Variants in RIT2 observed in about 807,000 individuals in gnomAD.
The protein encoded by RIT2 is Ras like without CAAX 2.
RIT2 carries 24 observed loss-of-function variants against 23.7 expected under a neutral mutation model. The ratio of observed to expected loss-of-function variants is 1.01; its 90% CI spans 0.73 to 1.43. The LOEUF is 1.43. RIT2 is among the 40% of genes most tolerant of loss of function. The pLI, the probability that RIT2 is intolerant of heterozygous loss-of-function variation, is 0.00. For synonymous variants in RIT2, 107 were observed against 91.1 expected (o/e 1.17, Z -0.99); for missense variants, 236 against 266.9 (o/e 0.88, Z 0.81).
chr18:43,095,452 T>C (rs1488548512), intron 1 of RIT2, among the ~76,000 whole-genome samples: 1 of 151,914 alleles, frequency 6.6e-6, no homozygotes, highest in Non-Finnish European at 1.5e-5. Flanking sequence ...ACATGGCACA[T>C]GTATACCTAT....
At chr18:42,846,978 T>A (rs1350752224) in intron 4 of RIT2, among the ~76,000 whole-genome samples, 2 of 152,136 alleles carry the variant, frequency 1.3e-5, no homozygotes, top group Non-Finnish European at 2.9e-5. Flanking sequence ...GTATAACCTA[T>A]TGAGTTGTGC....
intron 4 of RIT2, among the ~76,000 whole-genome samples, chr18:42,752,446 G>T (rs772669234): frequency 1.1e-4 from 17 of 152,078 alleles, no homozygotes; most frequent in South Asian, 6.2e-4. Context: ...TTTCAAATGA[G>T]GACTTTCAGG....
At chr18:43,022,166 A>G (rs1380001274) in intron 2 of RIT2, among the ~76,000 whole-genome samples, 4 of 152,164 alleles carry the variant, frequency 2.6e-5, no homozygotes, top group Non-Finnish European at 4.4e-5. Context: ...ACATGGACAG[A>G]GCTGGAGGTC....
chr18:43,012,151 A>C (rs1911365352), intron 2 of RIT2, among the ~76,000 whole-genome samples: 1 of 151,778 alleles, frequency 6.6e-6, no homozygotes, highest in Non-Finnish European at 1.5e-5. Context: ...TGATCATCTC[A>C]TTTCTCTTTT....
chr18:42,875,328 CTCTT>C (rs142774820), intron 4 of RIT2, among the ~76,000 whole-genome samples: 255 of 149,246 alleles, frequency 1.7e-3, no homozygotes, highest in African/African-American at 5.9e-3. Flanking sequence ...CTTTCTCTCT[CTCTT>C]TTTTTTTTTT....
intron 4 of RIT2, among the ~76,000 whole-genome samples, chr18:42,922,162 T>C (rs1251390169): frequency 6.6e-6 from 1 of 152,142 alleles, no homozygotes; most frequent in Non-Finnish European, 1.5e-5. Flanking sequence ...CAAAAATGCA[T>C]TGCACTAAAT....
intron 3 of RIT2, among the ~76,000 whole-genome samples, chr18:42,968,013 C>T (rs964957784): frequency 6.6e-6 from 1 of 152,036 alleles, no homozygotes; most frequent in Non-Finnish European, 1.5e-5. Flanking sequence ...ATCAAATAGA[C>T]TCAGAACGAG....
chr18:43,105,825 G>A (rs1913809398), intron 1 of RIT2, among the ~76,000 whole-genome samples: 1 of 152,178 alleles, frequency 6.6e-6, no homozygotes, highest in African/African-American at 2.4e-5. Flanking sequence ...CCATTTTACA[G>A]ATGAGAAAAG....
chr18:43,110,923 G>A (rs1428462388), intron 1 of RIT2, among the ~76,000 whole-genome samples: 3 of 152,072 alleles, frequency 2.0e-5, no homozygotes, highest in African/African-American at 7.2e-5. Context: ...ATTTACTATA[G>A]GAAAACAAAT....
chr18:43,031,422 A>C (rs1911851738), intron 2 of RIT2, among the ~76,000 whole-genome samples: 1 of 151,858 alleles, frequency 6.6e-6, no homozygotes, highest in African/African-American at 2.4e-5. Flanking sequence ...ATTCCATTCT[A>C]CCTGAGTCAG....
chr18:42,758,409 T>C (rs893335206), intron 4 of RIT2, among the ~76,000 whole-genome samples: 2 of 152,172 alleles, frequency 1.3e-5, no homozygotes, highest in South Asian at 4.1e-4. Flanking sequence ...AACTGCAATA[T>C]TTGACAACTT....
intron 4 of RIT2, among the ~76,000 whole-genome samples, chr18:42,852,625 G>A (rs1005045423): frequency 1.3e-5 from 2 of 152,154 alleles, no homozygotes; most frequent in African/African-American, 4.8e-5. Flanking sequence ...CCTTTGAACA[G>A]ATTTGTCCTC....
chr18:42,888,305 A>T (rs1451924197), intron 4 of RIT2, among the ~76,000 whole-genome samples: 1 of 151,960 alleles, frequency 6.6e-6, no homozygotes, highest in East Asian at 1.9e-4. Context: ...AAACTTCTCT[A>T]AAAAAACAAA....
chr18:43,099,837 A>G (rs1447459539), intron 1 of RIT2, among the ~76,000 whole-genome samples: 2 of 152,090 alleles, frequency 1.3e-5, no homozygotes, highest in African/African-American at 4.8e-5. Context: ...TCAATCACTA[A>G]ATGCTTTTGG....
chr18:43,047,758 G>A (rs1004833347), intron 1 of RIT2, among the ~76,000 whole-genome samples: 1 of 152,198 alleles, frequency 6.6e-6, no homozygotes, highest in Non-Finnish European at 1.5e-5. Context: ...ATGAAATGGA[G>A]CATGGTTAGA....
At chr18:42,888,845 T>C (rs1217615594) in intron 4 of RIT2, among the ~76,000 whole-genome samples, 1 of 152,092 alleles carries the variant, frequency 6.6e-6, no homozygotes, top group African/African-American at 2.4e-5. Context: ...CACTTGTAAT[T>C]GGGAGCTAAA....
chr18:43,011,042 T>C (rs1394880860), intron 2 of RIT2, among the ~76,000 whole-genome samples: 1 of 151,804 alleles, frequency 6.6e-6, no homozygotes, highest in Non-Finnish European at 1.5e-5. Flanking sequence ...ATAAATGTTA[T>C]ACAGAAAATT....
chr18:42,884,237 G>A lies in RIT2; in HGVS notation c.426+39335C>T, dbSNP rs1907964806. On this transcript the variant is annotated intron_variant, in intron 4 of 4. Coordinates refer to ENST00000326695, the MANE Select transcript of RIT2 (RefSeq NM_002930.4). ...TGAACTTTAAATATATTCTAAGGTTGCTTGTCCCCTACTGGATTCTCAGTT... is the reference window on the plus strand; with the variant it reads ...TGAACTTTAAATATATTCTAAGGTTACTTGTCCCCTACTGGATTCTCAGTT... 2.0e-5 allele frequency among the ~76,000 whole-genome samples: 3 copies of A among 152,294 alleles called. No individual in the cohort carries two copies. In the South Asian group the frequency reaches 6.2e-4, roughly 32 times the overall value.
At chr18:42,999,412 G>C (rs959030647) in intron 2 of RIT2, among the ~76,000 whole-genome samples, 1 of 152,028 alleles carries the variant, frequency 6.6e-6, no homozygotes, top group Admixed American at 6.6e-5. Flanking sequence ...CTACCTGGAA[G>C]TGTGAAAAGT....
Sources: gnomAD v4.1 joint callset for allele counts (sites outside exome capture counted in the v4.1 genomes callset) on GRCh38, gnomAD v4.1.1 for gene constraint, MANE v1.5 for transcripts, NCBI Gene and HGNC (gene_info 2026-07-23, HGNC 2026-07-21) for gene names.